Variants in TEAD4 observed in about 807,000 individuals in gnomAD.
The protein encoded by TEAD4 is transcriptional enhancer factor TEF-3.
TEAD4 carries 36 observed loss-of-function variants against 52.4 expected under a neutral mutation model. The ratio of observed to expected loss-of-function variants is 0.69; its 90% CI spans 0.53 to 0.91. The LOEUF (loss-of-function observed/expected upper bound fraction) is 0.91. Among genes scored for constraint, TEAD4 ranks in the 40% least tolerant of loss-of-function variants. The pLI, the probability that TEAD4 is intolerant of heterozygous loss-of-function variation, is 0.00. For missense variants in TEAD4, 508 were observed against 583.9 expected, an observed-to-expected ratio of 0.87 and a Z score of 1.34; for synonymous variants, 220 against 231.0, an observed-to-expected ratio of 0.95 and a Z score of 0.43.
chr12:2,965,863 CATT>C (rs1315320178), intron 2 of TEAD4, among the ~76,000 whole-genome samples: 9 of 151,908 alleles, frequency 5.9e-5, no homozygotes, highest in Non-Finnish European at 2.9e-5. Flanking sequence ...TTTAAATTAT[CATT>C]ATTATTATTA....
intron 5 of TEAD4, among the ~76,000 whole-genome samples, chr12:3,014,101 C>T (rs996271088): frequency 6.6e-6 from 1 of 152,174 alleles, no homozygotes; most frequent in South Asian, 2.1e-4. Flanking sequence ...TGTGGCCTGG[C>T]ACCTCGCTCC....
At chr12:2,989,922 A>C (rs893535414) in intron 2 of TEAD4, among the ~76,000 whole-genome samples, 28 of 152,202 alleles carry the variant, frequency 1.8e-4, no homozygotes, top group African/African-American at 6.0e-4. Context: ...CATGTCTTCT[A>C]TTAATCTGGA....
At chr12:3,033,950 C>A (rs1230791873) in intron 10 of TEAD4, among the ~76,000 whole-genome samples, 1 of 151,526 alleles carries the variant, frequency 6.6e-6, no homozygotes, top group East Asian at 1.9e-4. Context: ...AGTCGAGGTG[C>A]TCTGGGGCGG....
chr12:3,040,335 T>C (rs1281139018), intron 12 of TEAD4, 30 bp from the exon 13 acceptor site: 2 of 1,613,932 alleles, frequency 1.2e-6, no homozygotes, highest in Admixed American at 3.3e-5. Flanking sequence ...TCTGGGGCCT[T>C]ATTAACCCTT....
chr12:3,015,200 C>A (rs185272229), intron 5 of TEAD4, among the ~76,000 whole-genome samples: 22 of 152,316 alleles, frequency 1.4e-4, no homozygotes, highest in Admixed American at 1.0e-3. Context: ...GAACAGTTCC[C>A]TACTCCCCAC....
rs755432905 is a variant in TEAD4, at chr12:3,020,676, C to T, written c.626C>T (p.Pro209Leu). Reference sequence around the variant, plus strand: ...GGGCCCGCCCCATCGCCCTCTGCGCCCCCGGCACCCCCATGGCAGGGCCGC... The same window carrying T: ...GGGCCCGCCCCATCGCCCTCTGCGCTCCCGGCACCCCCATGGCAGGGCCGC... Residue 209 changes from proline (P) to leucine (L), a missense_variant, in exon 9 of 13, where the codon CCC (proline) becomes CTC (leucine). Physicochemically the swap from Pro to Leu is moderately conservative, Grantham distance 98. Coordinates refer to ENST00000359864, the MANE Select transcript of TEAD4 (RefSeq NM_003213.4). The T allele has an allele frequency of 5.6e-6, 9 of 1,604,770 alleles. 1 individual carries two copies. The Admixed American group carries it at 1.5e-4, about 27-fold the overall frequency.
chr12:3,020,475 C>G (rs929516004), intron 8 of TEAD4, among the ~76,000 whole-genome samples, 159 bp from the exon 9 acceptor site: 1 of 152,190 alleles, frequency 6.6e-6, no homozygotes, highest in Non-Finnish European at 1.5e-5. Flanking sequence ...CCAAGCCTGG[C>G]ACTCCCTCCA....
intron 5 of TEAD4, among the ~76,000 whole-genome samples, chr12:3,013,830 C>T (rs540253650): frequency 6.6e-6 from 1 of 152,276 alleles, no homozygotes; most frequent in Non-Finnish European, 1.5e-5. Context: ...GCTGTGATTG[C>T]ACCTGTGACT....
At chr12:3,039,441 C>T (rs1014585004) in intron 11 of TEAD4, among the ~76,000 whole-genome samples, 1 of 152,114 alleles carries the variant, frequency 6.6e-6, no homozygotes, top group Non-Finnish European at 1.5e-5. Context: ...CAGATTTCAC[C>T]AGTTTTATCG....
intron 8 of TEAD4, among the ~76,000 whole-genome samples, chr12:3,020,385 G>T (rs552158859): frequency 4.1e-4 from 10 of 24,682 alleles, no homozygotes; most frequent in Non-Finnish European, 2.1e-3. Context: ...CTTGCTCGGC[G>T]GTTCCATGCA....
intron 2 of TEAD4, among the ~76,000 whole-genome samples, chr12:2,988,592 G>A (rs950310054): frequency 4.0e-5 from 6 of 151,714 alleles, no homozygotes; most frequent in African/African-American, 1.5e-4. Context: ...TCTTCAAAAC[G>A]ATGTGTCTTT....
intron 5 of TEAD4, chr12:3,016,968 G>T: frequency 2.5e-6 from 1 of 404,536 alleles, no homozygotes; most frequent in Non-Finnish European, 5.0e-6. Flanking sequence ...ACAGGAGGTG[G>T]TCTCTTGCCT....
At chr12:2,992,774 G>A (rs1294469685) in intron 2 of TEAD4, among the ~76,000 whole-genome samples, 1 of 152,080 alleles carries the variant, frequency 6.6e-6, no homozygotes, top group South Asian at 2.1e-4. Flanking sequence ...TGCGAGGGCT[G>A]TGGGAGGTAC....
chr12:2,986,090 A>G (rs2098238268), intron 2 of TEAD4, among the ~76,000 whole-genome samples: 1 of 152,070 alleles, frequency 6.6e-6, no homozygotes, highest in African/African-American at 2.4e-5. Context: ...CCATCTCAAA[A>G]AAATAAAAAC....
At position 3,021,899 on chromosome 12, in the gene TEAD4, C is replaced by G; in HGVS notation, c.779C>G (p.Pro260Arg). ...CAGTCCAGCCCAAGCTACAGCGACC[C>G]CTACCTCGAAGCCGTGGACATCCGC... Residue 260 changes from proline to arginine, a missense_variant, in exon 10 of 13, where the codon CCC (proline) becomes CGC (arginine). Coordinates refer to ENST00000359864, the MANE Select transcript of TEAD4 (RefSeq NM_003213.4). 6.2e-7 allele frequency: 1 copy of G among 1,614,238 alleles called. No individual in the cohort carries two copies. Among genetic ancestry groups the G allele is most frequent in the Admixed American group, 1.7e-5 (1 of 60,030 alleles).
intron 10 of TEAD4, among the ~76,000 whole-genome samples, chr12:3,025,143 C>T (rs927719368): frequency 2.0e-4 from 30 of 152,118 alleles, no homozygotes; most frequent in Admixed American, 1.7e-3. Context: ...AAGGTTTCAC[C>T]GTGTTGGCCA....
chr12:2,986,875 C>T (rs1398647957), intron 2 of TEAD4, among the ~76,000 whole-genome samples: 2 of 152,146 alleles, frequency 1.3e-5, no homozygotes, highest in African/African-American at 4.8e-5. Flanking sequence ...ATGGCTCTGA[C>T]ATCACTAGGC....
At position 3,015,260 on chromosome 12, in the gene TEAD4, G is replaced by A. The variant is rs549848794; in HGVS notation, c.355-2138G>A. ...GACCCCTTGGTTTGCATGGCCCCCC[G>A]TGTGCCAGTCTGGTCCAAGCTCACC... is the stretch of plus-strand genomic sequence containing the variant. On this transcript the variant is annotated intron_variant, in intron 5 of 12. Transcript: ENST00000359864. Among the ~76,000 whole-genome samples the A allele has an allele frequency of 1.7e-4, 26 of 151,810 alleles. No homozygotes were observed. In the South Asian group the frequency reaches 4.0e-3, roughly 23 times the overall value.
intron 2 of TEAD4, among the ~76,000 whole-genome samples, chr12:2,967,013 C>T (rs1352374097): frequency 1.3e-5 from 2 of 152,158 alleles, no homozygotes; most frequent in Non-Finnish European, 2.9e-5. Context: ...GACCCTGTTT[C>T]TCGTTTTTAT....
Sources: gnomAD v4.1 joint callset for allele counts (sites outside exome capture counted in the v4.1 genomes callset) on GRCh38, gnomAD v4.1.1 for gene constraint, MANE v1.5 for transcripts, NCBI Gene and HGNC (gene_info 2026-07-23, HGNC 2026-07-21) for gene names.